Variants in PARD3B observed in about 807,000 individuals in gnomAD.
The protein encoded by PARD3B is par-3 family cell polarity regulator beta.
Under a neutral mutation model 130.2 loss-of-function variants are expected in PARD3B, and 103 were observed. The observed-to-expected ratio is 0.79, with a 90% CI of 0.67 to 0.93. The LOEUF (loss-of-function observed/expected upper bound fraction) is 0.93, where lower values mean the gene tolerates loss of function less well. PARD3B is among the 40% of genes least tolerant of loss of function. PARD3B has a pLI of 0.00. For missense variants in PARD3B, 1,609 were observed against 1,499.2 expected, an observed-to-expected ratio of 1.07 and a Z score of -1.21; for synonymous variants, 583 against 553.2, an observed-to-expected ratio of 1.05 and a Z score of -0.76.
rs1431916627 is a variant in PARD3B, at chr2:205,131,695, A to T, written c.1434+5958A>T. On this transcript the variant is annotated intron_variant, in intron 10 of 22. Coordinates refer to ENST00000406610, the MANE Select transcript of PARD3B (RefSeq NM_001302769.2). Reference sequence around the variant, plus strand: ...GAATTGAATAAATTTCAAGATGCAGAGCCACATGGGCAAAAGAAATACTCT... The same window carrying T: ...GAATTGAATAAATTTCAAGATGCAGTGCCACATGGGCAAAAGAAATACTCT... Among the ~76,000 whole-genome samples, 3 of 152,226 alleles carry T rather than the reference A, an allele frequency of 2.0e-5. No homozygotes were observed. In the East Asian group the frequency reaches 5.8e-4, roughly 29 times the overall value.
chr2:204,968,338 A>G (rs1691431434), intron 3 of PARD3B, among the ~76,000 whole-genome samples: 1 of 152,244 alleles, frequency 6.6e-6, no homozygotes, highest in Non-Finnish European at 1.5e-5. Context: ...TTCCAACACA[A>G]GATAACCATC....
rs981803038 is a variant in PARD3B at position 205,241,826 on chromosome 2, C to G, written c.2141-3952C>G. ...TATCACTACCATTCCAATCACTGTG[C>G]TAAATATTATGCAGTGAAACTACTA... On this transcript the variant is annotated intron_variant, in intron 15 of 22. Coordinates refer to ENST00000406610, the MANE Select transcript of PARD3B (RefSeq NM_001302769.2). This position sits in a 1 kb window ranked among gnomAD's most constrained non-coding sequence, Gnocchi z 4.2. 1.3e-4 allele frequency among the ~76,000 whole-genome samples: 20 copies of G among 152,082 alleles called. No individual in the cohort carries two copies. Among genetic ancestry groups the G allele is most frequent in the African/African-American group, 4.8e-4 (20 of 41,404 alleles).
chr2:204,990,629 CTG>C (rs1693580717), intron 3 of PARD3B, among the ~76,000 whole-genome samples: 1 of 151,796 alleles, frequency 6.6e-6, no homozygotes, highest in South Asian at 2.1e-4. Flanking sequence ...TTGTATCTGT[CTG>C]TGTGTGTATG....
chr2:204,747,691 C>T (rs2040299144), intron 2 of PARD3B, among the ~76,000 whole-genome samples: 2 of 152,082 alleles, frequency 1.3e-5, no homozygotes. Flanking sequence ...TACAAGGCTA[C>T]AGTAACCAAA....
chr2:204,634,060 A>C (rs1024843973), intron 1 of PARD3B, among the ~76,000 whole-genome samples: 9 of 152,158 alleles, frequency 5.9e-5, no homozygotes. Flanking sequence ...ATTTGCTATC[A>C]AATAGTAGGC....
intron 2 of PARD3B, among the ~76,000 whole-genome samples, chr2:204,812,783 T>G (rs960119856): frequency 1.2e-4 from 19 of 152,136 alleles, no homozygotes; most frequent in African/African-American, 4.6e-4. Flanking sequence ...CAGCTTCAGG[T>G]GTTTTCTATC....
chr2:204,709,096 G>C (rs764372252), intron 2 of PARD3B, among the ~76,000 whole-genome samples: 1 of 152,098 alleles, frequency 6.6e-6, no homozygotes, highest in Admixed American at 6.5e-5. Flanking sequence ...AATAATGCTT[G>C]TTGCATTCCT....
At chr2:204,684,042 C>T (rs1467540290) in intron 1 of PARD3B, among the ~76,000 whole-genome samples, 1 of 152,124 alleles carries the variant, frequency 6.6e-6, no homozygotes, top group African/African-American at 2.4e-5. Flanking sequence ...TTCCCTTTGC[C>T]ACTGATCAAA....
chr2:204,714,459 A>G (rs914629994), intron 2 of PARD3B, among the ~76,000 whole-genome samples: 2 of 152,118 alleles, frequency 1.3e-5, no homozygotes, highest in African/African-American at 4.8e-5. Context: ...GTTATTATAT[A>G]TGAGCCAATG....
intron 16 of PARD3B, among the ~76,000 whole-genome samples, chr2:205,294,552 C>T (rs1161725594): frequency 6.6e-6 from 1 of 152,112 alleles, no homozygotes; most frequent in Middle Eastern, 3.2e-3. Context: ...GGGCCATGCT[C>T]ATACTCATAA....
At chr2:205,600,783 C>T (rs1305339527) in intron 22 of PARD3B, among the ~76,000 whole-genome samples, 3 of 152,178 alleles carry the variant, frequency 2.0e-5, no homozygotes, top group Non-Finnish European at 4.4e-5. Context: ...CATCAGTTTG[C>T]CGAGGCTAAT....
Position 205,470,989 on chromosome 2 carries a change from G to A in PARD3B, c.3045-28907G>A, listed in dbSNP as rs183990865. On this transcript the variant is annotated intron_variant, in intron 20 of 22. Coordinates refer to ENST00000406610, the MANE Select transcript of PARD3B (RefSeq NM_001302769.2). The surrounding 1 kb of genome is among the most constrained non-coding windows in gnomAD (Gnocchi z 4.8). ...GATGTGAATCAGACATCAGAAGGGA[G>A]AATCAATTCTTGCAGTCTGATGTTT... is the stretch of plus-strand genomic sequence containing the variant. Among the ~76,000 whole-genome samples, 1 of 152,318 alleles carries A rather than the reference G, an allele frequency of 6.6e-6. No homozygotes were observed. The highest frequency in any genetic ancestry group is 1.9e-4 in the East Asian group (1 of 5,182).
chr2:205,157,980 C>T (rs962272588), intron 10 of PARD3B, among the ~76,000 whole-genome samples: 2 of 152,130 alleles, frequency 1.3e-5, no homozygotes, highest in South Asian at 4.2e-4. Context: ...TTCTTGAGAC[C>T]AGTATGCTTG....
chr2:204,803,422 A>G (rs1213208924), intron 2 of PARD3B, among the ~76,000 whole-genome samples: 6 of 152,134 alleles, frequency 3.9e-5, no homozygotes, highest in African/African-American at 9.7e-5. Context: ...GCATGAACTC[A>G]TATCTTGAGT....
chr2:205,440,664 A>G lies in PARD3B; in HGVS notation c.3036A>G (p.Pro1012=). The part of the protein sequence containing the change: ...KVNKPYHPLV[P]ADSGRPTGGS... Reference sequence around the variant, plus strand: ...ACAAGCCATACCATCCACTGGTTCCAGCTGACAGGTAATAAACTTAGTGAA... The same window carrying G: ...ACAAGCCATACCATCCACTGGTTCCGGCTGACAGGTAATAAACTTAGTGAA... Residue 1012 remains proline, a synonymous_variant, in exon 20 of 23, where the codon CCA becomes CCG. Transcript: ENST00000406610. The surrounding 1 kb of genome is among the most constrained non-coding windows in gnomAD (Gnocchi z 4.2). 1 of 1,612,088 alleles carries G rather than the reference A, an allele frequency of 6.2e-7. No homozygotes were observed. The highest frequency in any genetic ancestry group is 8.5e-7 in the Non-Finnish European group (1 of 1,178,220).
intron 2 of PARD3B, among the ~76,000 whole-genome samples, chr2:204,871,886 T>G (rs1007211201): frequency 2.0e-5 from 3 of 152,088 alleles, no homozygotes; most frequent in Non-Finnish European, 4.4e-5. Flanking sequence ...TTTTAAAGCT[T>G]TCTTGTCCCT....
At chr2:204,896,595 C>G (rs921428211) in intron 2 of PARD3B, among the ~76,000 whole-genome samples, 71 of 152,154 alleles carry the variant, frequency 4.7e-4, no homozygotes, top group Non-Finnish European at 8.5e-4. Flanking sequence ...TATTCAGTTC[C>G]TGGAACATTG....
At chr2:204,790,353 G>GT (rs1164939949) in intron 2 of PARD3B, among the ~76,000 whole-genome samples, 2 of 152,160 alleles carry the variant, frequency 1.3e-5, no homozygotes, top group South Asian at 2.1e-4. Flanking sequence ...ATGAAGAGGG[G>GT]TTTTTTATAG....
intron 2 of PARD3B, among the ~76,000 whole-genome samples, chr2:204,912,884 G>A (rs2047294988): frequency 6.6e-6 from 1 of 151,960 alleles, no homozygotes; most frequent in Non-Finnish European, 1.5e-5. Context: ...TGTTCAACTG[G>A]CTAATCTGAA....
Sources: gnomAD v4.1 joint callset for allele counts (sites outside exome capture counted in the v4.1 genomes callset) on GRCh38, gnomAD v4.1.1 for gene constraint, Gnocchi (gnomAD v3.1) non-coding constraint, MANE v1.5 for transcripts, NCBI Gene and HGNC (gene_info 2026-07-23, HGNC 2026-07-21) for gene names.